TEX36: variants seen among roughly 807,000 people sequenced by gnomAD.
The protein encoded by TEX36 is testis-expressed protein 36.
A neutral mutation model predicts 13.6 loss-of-function variants in TEX36; 12 were observed. The ratio of observed to expected loss-of-function variants is 0.88; its 90% CI spans 0.56 to 1.43. TEX36 has a LOEUF of 1.43. Ranked by LOEUF, TEX36 falls within the 40% of genes most tolerant of loss-of-function variation. The pLI is 0.00. For synonymous variants in TEX36, 93 were observed against 83.0 expected, an observed-to-expected ratio of 1.12 and a Z score of -0.65; for missense variants, 224 against 228.3, an observed-to-expected ratio of 0.98 and a Z score of 0.12.
intron 3 of TEX36, among the ~76,000 whole-genome samples, chr10:125,647,964 C>A (rs1472051345): frequency 1.3e-5 from 2 of 152,184 alleles, no homozygotes; most frequent in East Asian, 3.8e-4. Flanking sequence ...GGAGGGGCAT[C>A]CACCATTGCT....
chr10:125,602,764 T>C (rs1478687621), intron 3 of TEX36, among the ~76,000 whole-genome samples: 1 of 152,266 alleles, frequency 6.6e-6, no homozygotes, highest in Non-Finnish European at 1.5e-5. Flanking sequence ...TCCAGACTTT[T>C]AAAATTCTAT....
At chr10:125,653,464 C>G (rs1015815859), downstream of TEX36, among the ~76,000 whole-genome samples, 1 of 131,170 alleles carries the variant, frequency 7.6e-6, no homozygotes, top group Non-Finnish European at 1.5e-5. Flanking sequence ...AGGGTGGGGA[C>G]CATCACACAC....
intron 3 of TEX36, among the ~76,000 whole-genome samples, chr10:125,629,038 T>C (rs1415838373): frequency 1.3e-5 from 2 of 152,230 alleles, no homozygotes; most frequent in East Asian, 1.9e-4. Context: ...TGCCCAGTCA[T>C]ATGACTTACA....
At chr10:125,591,164 T>C (rs1228101213) in intron 3 of TEX36, among the ~76,000 whole-genome samples, 2 of 152,200 alleles carry the variant, frequency 1.3e-5, no homozygotes, top group Non-Finnish European at 2.9e-5. Flanking sequence ...ATCCATTTCA[T>C]TTGGAATTTG....
At chr10:125,582,872 T>C (rs1344167791) in intron 3 of TEX36, among the ~76,000 whole-genome samples, 1 of 152,200 alleles carries the variant, frequency 6.6e-6, no homozygotes, top group African/African-American at 2.4e-5. Context: ...GTGACAATTT[T>C]TCACTAGATA....
intron 3 of TEX36, among the ~76,000 whole-genome samples, chr10:125,580,650 G>A (rs1223278614): frequency 6.6e-6 from 1 of 152,184 alleles, no homozygotes; most frequent in Non-Finnish European, 1.5e-5. Context: ...AGCCCGCTAG[G>A]TGGGCTGGCT....
intron 3 of TEX36, among the ~76,000 whole-genome samples, chr10:125,649,940 G>A (rs1350202898): frequency 6.6e-6 from 1 of 152,162 alleles, no homozygotes; most frequent in African/African-American, 2.4e-5. Flanking sequence ...TTATCAAGAA[G>A]AGCTAACTAT....
At chr10:125,622,189 T>C (rs1200183526) in intron 3 of TEX36, among the ~76,000 whole-genome samples, 1 of 152,192 alleles carries the variant, frequency 6.6e-6, no homozygotes, top group Non-Finnish European at 1.5e-5. Context: ...AGGTCGTAAT[T>C]ATGCCTAACA....
Position 125,594,085 on chromosome 10 carries a change from C to G in TEX36, c.265-17211G>C, listed in dbSNP as rs1382412310. Among the ~76,000 whole-genome samples the G allele has an allele frequency of 5.9e-5, 9 of 152,238 alleles. No individual in the cohort carries two copies. In the East Asian group the frequency reaches 1.7e-3, roughly 29 times the overall value. ...GTCTGAGGCTAGAGTCACAAGCAAC[C>G]TCTCTCCCAAGACGTAGAAGGACCC... On this transcript the variant is annotated intron_variant, in intron 3 of 3. Coordinates refer to the TEX36 transcript ENST00000532135.
At chr10:125,682,895 C>T in intron 1 of TEX36, 44 bp downstream of exon 1, 1 of 1,549,144 alleles carries the variant, frequency 6.5e-7, no homozygotes, top group Non-Finnish European at 8.7e-7. Flanking sequence ...TTGACCACAC[C>T]CACGTGGCAT....
chr10:125,583,820 A>G (rs1021388815), intron 3 of TEX36, among the ~76,000 whole-genome samples: 2 of 152,228 alleles, frequency 1.3e-5, no homozygotes, highest in African/African-American at 4.8e-5. Context: ...TCTTTGAAAC[A>G]GTATGGTAGA....
At chr10:125,605,098 G>T (rs1436578344) in intron 3 of TEX36, among the ~76,000 whole-genome samples, 1 of 152,224 alleles carries the variant, frequency 6.6e-6, no homozygotes, top group Non-Finnish European at 1.5e-5. Context: ...AAAAGGTTGG[G>T]GATGGCTGCT....
At position 125,586,633 on chromosome 10, in the gene TEX36, TCCA is replaced by T. The variant is rs1174395441; in HGVS notation, c.265-9762_265-9760del. Among the ~76,000 whole-genome samples the T allele has an allele frequency of 1.1e-3, 82 of 77,424 alleles. 1 individual carries two copies. Among genetic ancestry groups the T allele is most frequent in the African/African-American group, 3.3e-3 (57 of 17,468 alleles). 50.8% of individuals were successfully genotyped at this position (77,424 alleles called of 152,430 possible). On this transcript the variant is annotated intron_variant, in intron 3 of 3. Transcript: ENST00000532135. Reference sequence around the variant, plus strand: ...TGTGAAACTCCGTCTCTACTAAAAATCCAAAAAAAAAAAAAAAAAAAAAATTAG... The same window carrying T: ...TGTGAAACTCCGTCTCTACTAAAAATAAAAAAAAAAAAAAAAAAAAATTAG...
intron 3 of TEX36, among the ~76,000 whole-genome samples, chr10:125,629,005 G>A (rs1846521231): frequency 1.3e-5 from 2 of 152,218 alleles, no homozygotes; most frequent in Admixed American, 6.5e-5. Flanking sequence ...CGAGAAAGCT[G>A]AGGTTAAGAA....
chr10:125,631,173 G>A (rs1250681686), intron 3 of TEX36, among the ~76,000 whole-genome samples: 2 of 152,246 alleles, frequency 1.3e-5, no homozygotes, highest in African/African-American at 4.8e-5. Context: ...GAAAGGTATG[G>A]TCAGAGTGCT....
chr10:125,607,116 A>G (rs1315524040), intron 3 of TEX36, among the ~76,000 whole-genome samples: 1 of 152,216 alleles, frequency 6.6e-6, no homozygotes, highest in East Asian at 1.9e-4. Context: ...GCAGTCCTGG[A>G]AGATATTGTA....
chr10:125,679,871 G>A (rs911787518), intron 1 of TEX36, among the ~76,000 whole-genome samples: 2 of 152,002 alleles, frequency 1.3e-5, no homozygotes, highest in African/African-American at 4.8e-5. Flanking sequence ...GGTAGCTTTG[G>A]GTTGCTTTCT....
downstream of TEX36, among the ~76,000 whole-genome samples, chr10:125,653,580 T>C (rs1846898107): frequency 6.6e-6 from 1 of 152,092 alleles, no homozygotes; most frequent in South Asian, 2.1e-4. Context: ...GGCACATGCA[T>C]ACATATGTAA....
downstream of TEX36, chr10:125,655,599 T>C: frequency 2.1e-6 from 2 of 944,014 alleles, no homozygotes; most frequent in Non-Finnish European, 2.6e-6. Context: ...TGTGGTGAAA[T>C]CAAGGAGGAC....
Sources: allele counts gnomAD v4.1 joint callset (sites outside exome capture counted in the v4.1 genomes callset), GRCh38; gene constraint gnomAD v4.1.1; transcripts MANE v1.5; gene names NCBI Gene and HGNC (gene_info 2026-07-23, HGNC 2026-07-21).